The following NELFCD variants were observed in gnomAD, a reference collection of about 807,000 sequenced individuals.
The protein encoded by NELFCD is negative elongation factor complex member C/D.
In NELFCD, 48 loss-of-function variants were observed where a neutral mutation model predicts 72.9. That is an observed-to-expected ratio of 0.66 (90% CI 0.52 to 0.84). The LOEUF (loss-of-function observed/expected upper bound fraction) is 0.84, where lower values mean the gene tolerates loss of function less well. Ranked by LOEUF, NELFCD falls within the 40% of genes least tolerant of loss-of-function variation. The pLI is 0.00. For missense variants in NELFCD, 538 were observed against 723.8 expected (o/e 0.74, Z 2.94); for synonymous variants, 297 against 280.6 (o/e 1.06, Z -0.59).
rs760570495 is a variant in NELFCD at position 58,987,805 on chromosome 20, TGAA to T, written c.389_391del (p.Glu130del). 6.2e-7 allele frequency: 1 copy of T among 1,613,662 alleles called. No homozygotes were observed. Among genetic ancestry groups the T allele is most frequent in the Non-Finnish European group, 8.5e-7 (1 of 1,179,536 alleles). Reference sequence around the variant, plus strand: ...CCCGCAAAGCAGATTCTATTTTTACTGAAGAAGGAGAGGTGAGAAATTATTTTT... The same window carrying T: ...CCCGCAAAGCAGATTCTATTTTTACTGAAGGAGAGGTGAGAAATTATTTTT... On this transcript the variant is annotated inframe_deletion, in exon 4 of 15. Transcript: ENST00000652272.
Position 58,986,127 on chromosome 20 carries a change from C to T in NELFCD, c.95C>T (p.Ala32Val), listed in dbSNP as rs761052270. 18 of 1,613,832 alleles carry T rather than the reference C, an allele frequency of 1.1e-5. No homozygotes were observed. Among genetic ancestry groups the T allele is most frequent in the East Asian group, 6.7e-5 (3 of 44,882 alleles). ...EDDSGEGEDD[A>V]EVQQECLHKF... ...GATTCTGGAGAAGGAGAGGATGATGCGGAGGTTCAGCAAGAATGCCTGCAT... is the reference window on the plus strand; with the variant it reads ...GATTCTGGAGAAGGAGAGGATGATGTGGAGGTTCAGCAAGAATGCCTGCAT... The change falls in exon 2 of 15, where the codon GCG (alanine) becomes GTG (valine). Residue 32 changes from alanine (A) to valine (V), a missense_variant. By Grantham distance (64) the Ala-to-Val change is moderately conservative. This residue lies in a region of NELFCD where 355 missense variants were observed against 534.5 expected (regional missense o/e 0.66). Transcript: ENST00000652272. The surrounding 1 kb of genome is among the most constrained non-coding windows in gnomAD (Gnocchi z 4.4).
At chr20:58,987,903 T>A in intron 4 of NELFCD, 86 bp downstream of exon 4, 2 of 961,772 alleles carry the variant, frequency 2.1e-6, no homozygotes, top group Non-Finnish European at 3.3e-6. Context: ...GCATATCATG[T>A]AAGTAATGGC....
In NELFCD at chr20:58,991,934, C is replaced by G; in HGVS notation, c.1143C>G (p.Val381=). 1 of 1,614,168 alleles carries G rather than the reference C, an allele frequency of 6.2e-7. No individual in the cohort carries two copies. Among genetic ancestry groups the G allele is most frequent in the Non-Finnish European group, 8.5e-7 (1 of 1,180,038 alleles). ...KDELKSTSKA[V]ETVHNLCCNE... ...AGCTGAAGTCAACGTCAAAAGCTGT[C>G]GAAACCGTTCACAATTTGTGTTGCA... Residue 381 remains valine (V), a synonymous_variant, in exon 10 of 15, where the codon GTC becomes GTG. Transcript: ENST00000652272.
intron 10 of NELFCD, 57 bp downstream of exon 10, chr20:58,992,077 G>A: frequency 1.3e-6 from 2 of 1,509,908 alleles, no homozygotes; most frequent in Non-Finnish European, 1.8e-6. Flanking sequence ...GGTCGTTTGA[G>A]TTTTCATATT....
intron 4 of NELFCD, among the ~76,000 whole-genome samples, chr20:58,988,649 G>A (rs2091790003): frequency 6.6e-6 from 1 of 152,134 alleles, no homozygotes; most frequent in African/African-American, 2.4e-5. Context: ...AGCTCTATGC[G>A]GTTCTCGGTG....
chr20:58,983,175 T>G (rs1349550674), intron 1 of NELFCD, among the ~76,000 whole-genome samples: 1 of 150,734 alleles, frequency 6.6e-6, no homozygotes, highest in Non-Finnish European at 1.5e-5. Context: ...CTCGCTTAGC[T>G]GCTCAGGCTG....
intron 4 of NELFCD, 76 bp from the exon 5 acceptor site, chr20:58,988,838 C>G (rs1431400052): frequency 7.4e-6 from 8 of 1,080,540 alleles, no homozygotes; most frequent in Non-Finnish European, 1.1e-5. Context: ...CTCCTGTGAT[C>G]GTTTATACAA....
intron 1 of NELFCD, among the ~76,000 whole-genome samples, 179 bp downstream of exon 1, chr20:58,981,548 C>T (rs2091732634): frequency 1.6e-5 from 2 of 125,462 alleles, no homozygotes; most frequent in African/African-American, 2.6e-5. Context: ...CCCCGCCCGC[C>T]CGGGGTCCCG....
Position 58,983,415 on chromosome 20 carries a change from C to T in NELFCD, c.60+2046C>T, listed in dbSNP as rs1283249767. 4.7e-5 allele frequency among the ~76,000 whole-genome samples: 7 copies of T among 148,988 alleles called. No homozygotes were observed. The East Asian group carries it at 1.2e-3, about 25-fold the overall frequency. On this transcript the variant is annotated intron_variant, in intron 1 of 14. Transcript: ENST00000652272. ...CCTCCCAAAATGCTAGGATTACAGGCGTGAGCCACCGCACCCGGCCTTTTT... is the reference window on the plus strand; with the variant it reads ...CCTCCCAAAATGCTAGGATTACAGGTGTGAGCCACCGCACCCGGCCTTTTT...
Position 58,990,001 on chromosome 20 carries a change from G to A in NELFCD, c.788+13G>A, listed in dbSNP as rs1219793750. ...TTGCCCAGGAGAAGTGAGAGGCCCT[G>A]TTTCTGCTCAGCCCTTCCTTCCTAG... On this transcript the variant is annotated intron_variant, in intron 7 of 14. Coordinates refer to ENST00000652272, the MANE Select transcript of NELFCD (RefSeq NM_198976.4). 3 of 1,610,482 alleles carry A rather than the reference G, an allele frequency of 1.9e-6. No homozygotes were observed. In the South Asian group the frequency reaches 3.3e-5, roughly 18 times the overall value.
At position 58,990,935 on chromosome 20, in the gene NELFCD, C is replaced by A. The variant is rs375256983; in HGVS notation, c.814C>A (p.Leu272Ile). Reference protein sequence around the residue: ...EKGHDASQITLALGTAASYPR... With the variant: ...EKGHDASQITIALGTAASYPR... ...AGGTCATGACGCCAGTCAGATCACA[C>A]TAGCCTTGGGCACAGCTGCCTCCTA... The change falls in exon 8 of 15, where the codon CTA becomes ATA. Residue 272 changes from leucine (L) to isoleucine (I), a missense_variant. By Grantham distance (5) the Leu-to-Ile change is conservative (BLOSUM62 2). This residue lies in a region of NELFCD where 355 missense variants were observed against 534.5 expected (regional missense o/e 0.66). Coordinates refer to ENST00000652272, the MANE Select transcript of NELFCD (RefSeq NM_198976.4). 6.2e-7 allele frequency: 1 copy of A among 1,614,066 alleles called. No homozygotes were observed. The highest frequency in any genetic ancestry group is 1.3e-5 in the African/African-American group (1 of 74,926).
In NELFCD at chr20:58,993,025, G is replaced by T; in HGVS notation, c.1257G>T (p.Leu419=). 1 of 1,614,146 alleles carries T rather than the reference G, an allele frequency of 6.2e-7. No homozygotes were observed. Among genetic ancestry groups the T allele is most frequent in the African/African-American group, 1.3e-5 (1 of 75,044 alleles). Residue 419 remains leucine, a synonymous_variant, in exon 11 of 15, where the codon CTG becomes CTT. Transcript: ENST00000652272. The surrounding 1 kb of genome is among the most constrained non-coding windows in gnomAD (Gnocchi z 5.0). ...TTCCAGTGGTAGCAATGGGTGTGCTGAAGTGGGTGGATTGGACTGTATCAG... is the reference window on the plus strand; with the variant it reads ...TTCCAGTGGTAGCAATGGGTGTGCTTAAGTGGGTGGATTGGACTGTATCAG... The part of the protein sequence containing the change: ...IRFPVVAMGV[L]KWVDWTVSEP...
Position 58,981,313 on chromosome 20 carries a change from G to T in NELFCD, c.4G>T (p.Asp2Tyr), listed in dbSNP as rs1301135227. The T allele has an allele frequency of 4.6e-6, 5 of 1,094,304 alleles. No individual in the cohort carries two copies. The highest frequency in any genetic ancestry group is 3.3e-6 in the Non-Finnish European group (3 of 896,518). The allele number at this position is 1,094,304 out of a possible 1,614,324, so 67.8% of individuals were successfully genotyped here. ...GGGGGCCGTGCCGGGCGCCATCATG[G>T]ACGAGGACTACTACGGGAGCGCGGC... is the stretch of plus-strand genomic sequence containing the variant. M[D>Y]EDYYGSAAEW... Residue 2 changes from aspartate (D) to tyrosine (Y), a missense_variant, in exon 1 of 15, where the codon GAC (aspartate) becomes TAC (tyrosine). Around this residue, in one of 3 missense-constraint regions of NELFCD, gnomAD observed 47 missense variants for 35.3 expected, o/e 1.33. Transcript: ENST00000652272.
At chr20:58,994,049 G>C in intron 13 of NELFCD, 61 bp from the exon 14 acceptor site, 1 of 1,588,226 alleles carries the variant, frequency 6.3e-7, no homozygotes, top group Non-Finnish European at 8.6e-7. Flanking sequence ...ATTTCACCCG[G>C]ATGTCGGTGG....
Position 58,992,031 on chromosome 20 carries a change from C to T in NELFCD, c.1229+11C>T, listed in dbSNP as rs1044619003. 32 of 1,599,992 alleles carry T rather than the reference C, an allele frequency of 2.0e-5. No individual in the cohort carries two copies. Among genetic ancestry groups the T allele is most frequent in the African/African-American group, 6.7e-5 (5 of 74,578 alleles). ...TTATCAGTGTATTAGGTAAGCAAAA[C>T]GAAACTCAGTTCTTAAATCAGTCCT... On this transcript the variant is annotated intron_variant, in intron 10 of 14. Coordinates refer to ENST00000652272, the MANE Select transcript of NELFCD (RefSeq NM_198976.4).
rs573804304 is a variant in NELFCD at position 58,994,250 on chromosome 20, C to A, written c.1711+11C>A. The A allele has an allele frequency of 1.2e-6, 2 of 1,613,286 alleles. No individual in the cohort carries two copies. The highest frequency in any genetic ancestry group is 2.7e-5 in the African/African-American group (2 of 75,036). On this transcript the variant is annotated intron_variant, in intron 14 of 14. Transcript: ENST00000652272. ...TGACGGAGTTTATAGGTGAGGCCGA[C>A]TGCCTAGCCCTTTACTACAATAGAA...
rs1008933295 is a variant in NELFCD at position 58,994,048 on chromosome 20, G to A, written c.1582-62G>A. 22 of 1,585,092 alleles carry A rather than the reference G, an allele frequency of 1.4e-5. No homozygotes were observed. The Middle Eastern group carries it at 6.8e-4, about 49-fold the overall frequency. On this transcript the variant is annotated intron_variant, in intron 13 of 14. Transcript: ENST00000652272. ...TTCCAAACTGATGGCCATTTCACCCGGATGTCGGTGGATGCCCCGCACTAG... is the reference window on the plus strand; with the variant it reads ...TTCCAAACTGATGGCCATTTCACCCAGATGTCGGTGGATGCCCCGCACTAG...
intron 1 of NELFCD, 117 bp from the exon 2 acceptor site, chr20:58,985,976 A>C (rs2091768777): frequency 1.3e-6 from 1 of 740,792 alleles, no homozygotes; most frequent in Non-Finnish European, 2.4e-6. Flanking sequence ...CATGAAAGTC[A>C]AATGAAATAA....
Position 58,989,867 on chromosome 20 carries a change from T to C in NELFCD, c.667T>C (p.Cys223Arg). 1 of 1,614,202 alleles carries C rather than the reference T, an allele frequency of 6.2e-7. No homozygotes were observed. Among genetic ancestry groups the C allele is most frequent in the Non-Finnish European group, 8.5e-7 (1 of 1,180,046 alleles). The change falls in exon 7 of 15, where the codon TGC (cysteine) becomes CGC (arginine). Residue 223 changes from cysteine (C) to arginine (R), a missense_variant. Around this residue, in one of 3 missense-constraint regions of NELFCD, gnomAD observed 355 missense variants for 534.5 expected, o/e 0.66. Coordinates refer to ENST00000652272, the MANE Select transcript of NELFCD (RefSeq NM_198976.4). ...CCCTGCAATCTTGCAGAAGATGGTG[T>C]GCCACGGGGAGCACACGTACCTGTT... ...KNLPEFAKMV[C>R]HGEHTYLFAQ...
Sources: gnomAD v4.1 joint callset for allele counts (sites outside exome capture counted in the v4.1 genomes callset) on GRCh38, gnomAD v4.1.1 for gene constraint, gnomAD v4.1.1 regional missense constraint, Gnocchi (gnomAD v3.1) non-coding constraint, MANE v1.5 for transcripts, NCBI Gene and HGNC (gene_info 2026-07-23, HGNC 2026-07-21) for gene names.